The following ASTN1 variants were observed in gnomAD, a reference collection of about 807,000 sequenced individuals.
ASTN1 encodes the protein astrotactin 1.
In ASTN1, 41 loss-of-function variants were observed where a neutral mutation model predicts 140.7. The observed-to-expected ratio is 0.29, with a 90% CI of 0.23 to 0.38. ASTN1 has a LOEUF of 0.38. Among genes scored for constraint, ASTN1 ranks in the 10% least tolerant of loss-of-function variants. The pLI, the probability that ASTN1 is intolerant of heterozygous loss-of-function variation, is 1.00. For synonymous variants in ASTN1, 640 were observed against 652.2 expected, an observed-to-expected ratio of 0.98 and a Z score of 0.29; for missense variants, 1,479 against 1,678.8, an observed-to-expected ratio of 0.88 and a Z score of 2.08.
At chr1:177,087,209 A>C (rs1024887851) in intron 1 of ASTN1, among the ~76,000 whole-genome samples, 1 of 152,182 alleles carries the variant, frequency 6.6e-6, no homozygotes, top group African/African-American at 2.4e-5. Flanking sequence ...ATCTGGTACA[A>C]TACCTCCATG....
At chr1:176,937,086 A>G (rs1671482855) in intron 14 of ASTN1, among the ~76,000 whole-genome samples, 1 of 152,224 alleles carries the variant, frequency 6.6e-6, no homozygotes, top group African/African-American at 2.4e-5. Flanking sequence ...ATTCTGCTAT[A>G]ATATCCCCAT....
At chr1:176,884,893 G>A (rs1381549354) in intron 18 of ASTN1, among the ~76,000 whole-genome samples, 2 of 152,112 alleles carry the variant, frequency 1.3e-5, no homozygotes, top group Non-Finnish European at 2.9e-5. Context: ...ATATAAAGAC[G>A]TATTGAAGGT....
intron 7 of ASTN1, among the ~76,000 whole-genome samples, chr1:177,015,812 C>T (rs1393597481): frequency 6.6e-6 from 1 of 152,132 alleles, no homozygotes; most frequent in Non-Finnish European, 1.5e-5. Flanking sequence ...AAAATTTTTG[C>T]TGCTTCATTA....
Position 176,863,418 on chromosome 1 carries a change from C to T in ASTN1, c.*866G>A. 1 of 985,802 alleles carries T rather than the reference C, an allele frequency of 1.0e-6. No homozygotes were observed. The highest frequency in any genetic ancestry group is 1.2e-6 in the Non-Finnish European group (1 of 829,924). 61.1% of individuals were successfully genotyped at this position (985,802 alleles called of 1,614,324 possible). On this transcript the variant is annotated 3_prime_UTR_variant, in exon 23 of 23. Transcript: ENST00000361833. ...AGGCACATGGATATATATTGGTAGG[C>T]TGGAGAAGTCTATCCAAAGGAAGCA...
rs2103067719 is a variant in ASTN1 at position 176,916,861 on chromosome 1, G to A, written c.2671+17291C>T. Among the ~76,000 whole-genome samples, 4 of 152,220 alleles carry A rather than the reference G, an allele frequency of 2.6e-5. 1 individual carries two copies. In the Middle Eastern group the frequency reaches 0.01, roughly 388 times the overall value. On this transcript the variant is annotated intron_variant, in intron 16 of 22. Coordinates refer to ENST00000361833, the MANE Select transcript of ASTN1 (RefSeq NM_004319.3). The stretch of plus-strand genomic sequence containing the variant: ...GGGACTTGAAGGTAAAATCAGGCAA[G>A]AGGGCATGGCAGGCTGGCCCTTTGA...
chr1:177,117,450 T>C (rs950204520), intron 1 of ASTN1, among the ~76,000 whole-genome samples: 1 of 152,018 alleles, frequency 6.6e-6, no homozygotes, highest in South Asian at 2.1e-4. Flanking sequence ...GAGAATCTAC[T>C]GCGTGCCAGG....
At chr1:176,997,602 G>T (rs1036723712) in intron 8 of ASTN1, among the ~76,000 whole-genome samples, 2 of 151,922 alleles carry the variant, frequency 1.3e-5, no homozygotes, top group African/African-American at 4.8e-5. Flanking sequence ...CATTTCTCAT[G>T]ACACTAGAAA....
intron 1 of ASTN1, among the ~76,000 whole-genome samples, chr1:177,122,821 T>A (rs144840469): frequency 0.012 from 1,834 of 152,204 alleles, 40 homozygotes; most frequent in African/African-American, 0.042. Flanking sequence ...ATCTAAAAGG[T>A]CTTCTCAGTG....
At chr1:176,870,805 T>G (rs1366639071) in intron 21 of ASTN1, among the ~76,000 whole-genome samples, 1 of 152,210 alleles carries the variant, frequency 6.6e-6, no homozygotes, top group Admixed American at 6.5e-5. Context: ...AGATAGTGAT[T>G]TAGAAAATAA....
At chr1:177,116,594 T>C (rs1201786302) in intron 1 of ASTN1, among the ~76,000 whole-genome samples, 1 of 152,116 alleles carries the variant, frequency 6.6e-6, no homozygotes, top group Non-Finnish European at 1.5e-5. Flanking sequence ...GCATTCTACA[T>C]TTGTGCTCTA....
chr1:177,047,081 C>T (rs1677267899), intron 2 of ASTN1, among the ~76,000 whole-genome samples: 1 of 152,168 alleles, frequency 6.6e-6, no homozygotes, highest in Non-Finnish European at 1.5e-5. Context: ...AGCATAATCC[C>T]TCCCAGCAAG....
intron 1 of ASTN1, among the ~76,000 whole-genome samples, chr1:177,089,888 G>A (rs1376309181): frequency 2.0e-5 from 3 of 152,104 alleles, no homozygotes; most frequent in Non-Finnish European, 4.4e-5. Flanking sequence ...CAGAGGTCTA[G>A]CAGTTTTTAC....
intron 5 of ASTN1, among the ~76,000 whole-genome samples, chr1:177,027,297 G>C (rs1212341412): frequency 6.6e-6 from 1 of 152,068 alleles, no homozygotes; most frequent in African/African-American, 2.4e-5. Flanking sequence ...AGAGCTGTTA[G>C]AGCTCTTATC....
intron 14 of ASTN1, among the ~76,000 whole-genome samples, chr1:176,940,639 T>G (rs532265128): frequency 9.7e-4 from 148 of 152,318 alleles, no homozygotes; most frequent in African/African-American, 3.4e-3. Context: ...ATAGCAAACC[T>G]CCAAATAAAT....
chr1:176,868,813 T>G, intron 22 of ASTN1, 31 bp downstream of exon 22: 1 of 1,561,900 alleles, frequency 6.4e-7, no homozygotes, highest in Non-Finnish European at 8.7e-7. Flanking sequence ...TCAAGAAGTC[T>G]TTAAAAGGGT....
chr1:177,032,096 A>G (rs1676471378), intron 3 of ASTN1, among the ~76,000 whole-genome samples: 1 of 152,236 alleles, frequency 6.6e-6, no homozygotes, highest in Non-Finnish European at 1.5e-5. Flanking sequence ...AAGCAAGTAT[A>G]AAATATACAA....
At chr1:177,137,248 A>G (rs554523022) in intron 1 of ASTN1, among the ~76,000 whole-genome samples, 1 of 152,246 alleles carries the variant, frequency 6.6e-6, no homozygotes, top group Non-Finnish European at 1.5e-5. Context: ...GACAGGAGAA[A>G]GGATCAAGAC....
rs982560729 is a variant in ASTN1 at position 177,030,612 on chromosome 1, G to A, written c.1012+194C>T. On this transcript the variant is annotated intron_variant, in intron 4 of 22. Coordinates refer to ENST00000361833, the MANE Select transcript of ASTN1 (RefSeq NM_004319.3). ...ATTTCCTAAGAATAGACTCTTGTTG[G>A]TGAAATTACTTGGTCAAAAGGTTTG... 2.0e-5 allele frequency among the ~76,000 whole-genome samples: 3 copies of A among 152,184 alleles called. No individual in the cohort carries two copies. The South Asian group carries it at 6.2e-4, about 32-fold the overall frequency.
chr1:177,077,299 T>C (rs1238153292), intron 1 of ASTN1, among the ~76,000 whole-genome samples: 1 of 152,010 alleles, frequency 6.6e-6, no homozygotes, highest in Non-Finnish European at 1.5e-5. Flanking sequence ...GCAGTCACAT[T>C]TTTCAGGGAT....
Sources: gnomAD v4.1 joint callset for allele counts (sites outside exome capture counted in the v4.1 genomes callset) on GRCh38, gnomAD v4.1.1 for gene constraint, MANE v1.5 for transcripts, NCBI Gene and HGNC (gene_info 2026-07-23, HGNC 2026-07-21) for gene names.